The following NOX4 variants were observed in gnomAD, a reference collection of about 807,000 sequenced individuals.
The protein encoded by NOX4 is NADPH oxidase 4, also known as kidney oxidase-1.
Under a neutral mutation model 87.6 loss-of-function variants are expected in NOX4, and 69 were observed. The observed-to-expected ratio is 0.79, with a 90% confidence interval of 0.65 to 0.96. The LOEUF (loss-of-function observed/expected upper bound fraction) is 0.96, where lower values mean the gene tolerates loss of function less well. Ranked by LOEUF, NOX4 falls within the 40% of genes least tolerant of loss-of-function variation. The pLI, the probability that NOX4 is intolerant of heterozygous loss-of-function variation, is 0.00. For synonymous variants in NOX4, 275 were observed against 238.2 expected (o/e 1.15, Z -1.42); for missense variants, 680 against 681.5 (o/e 1.00, Z 0.02).
At chr11:89,414,030 T>C (rs1942628232) in intron 8 of NOX4, among the ~76,000 whole-genome samples, 1 of 152,078 alleles carries the variant, frequency 6.6e-6, no homozygotes, top group Non-Finnish European at 1.5e-5. Context: ...GTATGATAGC[T>C]AATATTTCTC....
At position 89,491,365 on chromosome 11, in the gene NOX4, A is replaced by C; in HGVS notation, c.-119T>G. The C allele has an allele frequency of 1.1e-6, 1 of 929,066 alleles. No homozygotes were observed. Among genetic ancestry groups the C allele is most frequent in the Non-Finnish European group, 1.6e-6 (1 of 636,106 alleles). 57.6% of individuals were successfully genotyped at this position (929,066 alleles called of 1,614,324 possible). A position where few individuals can be genotyped will look rare whatever the true frequency, so the allele number is the denominator to read the frequency against. On this transcript the variant is annotated 5_prime_UTR_variant, in exon 1 of 18. Transcript: ENST00000263317. ...GGCCGCTGAGCGAGGACCGAGGGTC[A>C]AAGACTGAGTGGAAGCCCGAAGGCC...
At chr11:89,347,009 C>T (rs998644388) in intron 13 of NOX4, among the ~76,000 whole-genome samples, 1 of 152,158 alleles carries the variant, frequency 6.6e-6, no homozygotes, top group Non-Finnish European at 1.5e-5. Flanking sequence ...AGTCAGAATA[C>T]TACCTTTTAG....
At chr11:89,531,346 A>G in the NOX4 span, among the ~76,000 whole-genome samples, 3 of 152,166 alleles carry the variant, frequency 2.0e-5, no homozygotes, top group African/African-American at 7.2e-5. Context: ...TCTAAGCAAC[A>G]GTGATTTTAA....
intron 11 of NOX4, among the ~76,000 whole-genome samples, chr11:89,391,839 TA>T (rs1009033355): frequency 2.6e-5 from 4 of 152,048 alleles, no homozygotes; most frequent in African/African-American, 9.7e-5. Flanking sequence ...CTATGCACTT[TA>T]AAATACATAT....
the NOX4 span, among the ~76,000 whole-genome samples, chr11:89,508,662 G>A: frequency 6.6e-6 from 1 of 152,040 alleles, no homozygotes; most frequent in African/African-American, 2.4e-5. Flanking sequence ...GAGAGAGGAT[G>A]GGAGTAAAAA....
intron 2 of NOX4, among the ~76,000 whole-genome samples, chr11:89,474,396 A>G (rs536764632): frequency 1.7e-4 from 26 of 150,442 alleles, no homozygotes; most frequent in Non-Finnish European, 2.5e-4. Context: ...ATACAGAAAC[A>G]CTTTTCTAAT....
chr11:89,468,895 C>T (rs898752065), intron 2 of NOX4, among the ~76,000 whole-genome samples: 1 of 152,094 alleles, frequency 6.6e-6, no homozygotes, highest in African/African-American at 2.4e-5. Context: ...CAGGTGCATG[C>T]TACCACACCT....
rs144545876 is a variant in NOX4, at chr11:89,326,831, C to T, written c.1662G>A (p.Lys554=). Residue 554 remains lysine (K), a synonymous_variant, in exon 18 of 18, where the codon AAG becomes AAA. Coordinates refer to ENST00000263317, the MANE Select transcript of NOX4 (RefSeq NM_016931.5). Reference sequence around the variant, plus strand: ...TCTGGTTACTCAGTTTATGAAGAGTCTTGGATAGTGAATTGGGTCCACAAC... The same window carrying T: ...TCTGGTTACTCAGTTTATGAAGAGTTTTGGATAGTGAATTGGGTCCACAAC... ...VFCCGPNSLS[K]TLHKLSNQNN... is the part of the protein sequence containing the mutation. 5.0e-6 allele frequency: 8 copies of T among 1,613,038 alleles called. No individual in the cohort carries two copies. The highest frequency in any genetic ancestry group is 1.3e-5 in the African/African-American group (1 of 74,842).
chr11:89,337,718 A>G (rs1300871998), intron 15 of NOX4, among the ~76,000 whole-genome samples: 1 of 152,102 alleles, frequency 6.6e-6, no homozygotes, highest in African/African-American at 2.4e-5. Context: ...GCCTCTTGGT[A>G]TTAATTAGTT....
the NOX4 span, among the ~76,000 whole-genome samples, chr11:89,507,443 CATAAT>C: frequency 2.0e-5 from 3 of 150,884 alleles, no homozygotes; most frequent in Admixed American, 6.6e-5. Flanking sequence ...ACACAATACA[CATAAT>C]ATACAATGCA....
intron 13 of NOX4, among the ~76,000 whole-genome samples, chr11:89,354,488 A>C (rs1937842434): frequency 6.6e-6 from 1 of 152,210 alleles, no homozygotes; most frequent in South Asian, 2.1e-4. Flanking sequence ...TTTCAATACG[A>C]TAAATAAGAA....
intron 2 of NOX4, among the ~76,000 whole-genome samples, chr11:89,462,851 C>G (rs1013860181): frequency 6.6e-6 from 1 of 151,508 alleles, no homozygotes; most frequent in African/African-American, 2.4e-5. Flanking sequence ...AATATACAGG[C>G]AAAATAAAAC....
intron 8 of NOX4, among the ~76,000 whole-genome samples, chr11:89,410,814 C>T (rs1942438518): frequency 6.6e-6 from 1 of 152,152 alleles, no homozygotes; most frequent in Non-Finnish European, 1.5e-5. Context: ...ACTGAAATTC[C>T]CTGCAAGTCC....
At chr11:89,340,249 T>G in intron 14 of NOX4, 78 bp from the exon 15 acceptor site, 1 of 950,678 alleles carries the variant, frequency 1.1e-6, no homozygotes. Flanking sequence ...TTTTAAAGTT[T>G]CCTTTTCATT....
At chr11:89,375,397 C>G (rs1939760813) in intron 11 of NOX4, among the ~76,000 whole-genome samples, 1 of 152,058 alleles carries the variant, frequency 6.6e-6, no homozygotes, top group South Asian at 2.1e-4. Context: ...CCTCTGCCTC[C>G]CAGGTTCAAG....
intron 12 of NOX4, among the ~76,000 whole-genome samples, chr11:89,370,449 C>G (rs1431219756): frequency 2.6e-5 from 4 of 151,530 alleles, no homozygotes; most frequent in Non-Finnish European, 4.4e-5. Flanking sequence ...CCAAAATAAG[C>G]AAGGGTATAG....
At chr11:89,576,759 T>C in the NOX4 span, among the ~76,000 whole-genome samples, 8 of 152,166 alleles carry the variant, frequency 5.3e-5, no homozygotes, top group Non-Finnish European at 1.2e-4. Flanking sequence ...TCATTTCTAT[T>C]AATATACAGA....
At chr11:89,587,954 T>G in the NOX4 span, among the ~76,000 whole-genome samples, 2 of 152,176 alleles carry the variant, frequency 1.3e-5, no homozygotes, top group African/African-American at 4.8e-5. Context: ...ATTGCAACAC[T>G]TGCCCCCAGA....
intron 14 of NOX4, among the ~76,000 whole-genome samples, chr11:89,341,468 G>A (rs1308282483): frequency 6.6e-6 from 1 of 152,098 alleles, no homozygotes; most frequent in Non-Finnish European, 1.5e-5. Flanking sequence ...TTGTAAATTT[G>A]CTAAGTAATA....
Sources: gnomAD v4.1 joint callset for allele counts (sites outside exome capture counted in the v4.1 genomes callset) on GRCh38, gnomAD v4.1.1 for gene constraint, MANE v1.5 for transcripts, NCBI Gene and HGNC (gene_info 2026-07-23, HGNC 2026-07-21) for gene names.